Variants in PACRG observed in about 807,000 individuals in gnomAD.
The protein encoded by PACRG is parkin coregulated.
Under a neutral mutation model 29.7 loss-of-function variants are expected in PACRG, and 29 were observed. The ratio of observed to expected loss-of-function variants is 0.98; its 90% CI spans 0.73 to 1.33. PACRG has a LOEUF of 1.33. Ranked by LOEUF, PACRG falls within the 40% of genes most tolerant of loss-of-function variation. The probability of loss-of-function intolerance (pLI) is 0.00; values close to 1 mark genes in which losing one functional copy is unlikely to be tolerated. For synonymous variants in PACRG, 116 were observed against 118.7 expected (o/e 0.98, Z 0.15); for missense variants, 279 against 316.2 (o/e 0.88, Z 0.89).
At chr6:163,107,023 G>C (rs1051734749) in intron 4 of PACRG, among the ~76,000 whole-genome samples, 3 of 152,118 alleles carry the variant, frequency 2.0e-5, no homozygotes, top group Admixed American at 2.0e-4. Flanking sequence ...AAGTCATTCT[G>C]TCTAAATTAG....
At chr6:163,278,041 A>C (rs903150557) in intron 4 of PACRG, among the ~76,000 whole-genome samples, 9 of 152,006 alleles carry the variant, frequency 5.9e-5, no homozygotes, top group Admixed American at 3.9e-4. Context: ...TGCAGGAGTG[A>C]GGTGGTATTG....
At chr6:162,739,952 G>A (rs573009468) in intron 1 of PACRG, among the ~76,000 whole-genome samples, 1 of 148,872 alleles carries the variant, frequency 6.7e-6, no homozygotes, top group Non-Finnish European at 1.5e-5. Flanking sequence ...CACATACATT[G>A]TTAATTATTT....
chr6:163,289,049 C>T (rs1784491421), intron 4 of PACRG, among the ~76,000 whole-genome samples: 1 of 152,144 alleles, frequency 6.6e-6, no homozygotes, highest in Non-Finnish European at 1.5e-5. Flanking sequence ...AGCCAGTTGC[C>T]ATTGAGATGC....
intron 4 of PACRG, among the ~76,000 whole-genome samples, chr6:163,094,015 G>C (rs115039141): frequency 5.3e-5 from 8 of 152,134 alleles, no homozygotes; most frequent in Non-Finnish European, 1.2e-4. Context: ...CTTCTAAGGA[G>C]AACCTAGGCC....
At chr6:162,970,623 T>G (rs1382669496) in intron 2 of PACRG, among the ~76,000 whole-genome samples, 1 of 152,244 alleles carries the variant, frequency 6.6e-6, no homozygotes, top group Admixed American at 6.5e-5. Flanking sequence ...TCATTAGTTG[T>G]CTGCTCAAAA....
chr6:163,315,045 T>C lies in PACRG; in HGVS notation c.*58T>C. On this transcript the variant is annotated 3_prime_UTR_variant, in exon 5 of 5. Transcript: ENST00000366888. ...TTGGTGTTGGGATCATCTGTCTCTG[T>C]TGCTTTTAGCATCTCATTCCTTGTG... 2 of 1,556,268 alleles carry C rather than the reference T, an allele frequency of 1.3e-6. No individual in the cohort carries two copies. Among genetic ancestry groups the C allele is most frequent in the Non-Finnish European group, 1.8e-6 (2 of 1,142,440 alleles).
At chr6:162,955,836 A>G (rs1246172281) in intron 2 of PACRG, among the ~76,000 whole-genome samples, 3 of 152,146 alleles carry the variant, frequency 2.0e-5, no homozygotes, top group Non-Finnish European at 4.4e-5. Context: ...ATCACACCCC[A>G]GGTCCTTTCC....
chr6:163,078,336 A>G (rs1383668577), intron 3 of PACRG, among the ~76,000 whole-genome samples: 3 of 151,786 alleles, frequency 2.0e-5, no homozygotes, highest in Non-Finnish European at 1.5e-5. Context: ...CCCTTTCTCT[A>G]CTAAAAGGAT....
chr6:162,978,802 A>G (rs1312713447), intron 2 of PACRG, among the ~76,000 whole-genome samples: 4 of 152,206 alleles, frequency 2.6e-5, no homozygotes, highest in Non-Finnish European at 5.9e-5. Flanking sequence ...AAATAATAAA[A>G]ATTTAAACCC....
At chr6:163,025,535 T>C (rs1471882076) in intron 2 of PACRG, among the ~76,000 whole-genome samples, 1 of 152,132 alleles carries the variant, frequency 6.6e-6, no homozygotes, top group African/African-American at 2.4e-5. Context: ...ACAAACGAGG[T>C]GGGCCATTCT....
chr6:162,910,821 T>C (rs1349643274), intron 2 of PACRG, among the ~76,000 whole-genome samples: 1 of 152,190 alleles, frequency 6.6e-6, no homozygotes, highest in Non-Finnish European at 1.5e-5. Flanking sequence ...CATAATTTTC[T>C]CTGCAGATTA....
At chr6:162,863,330 G>T (rs150650059) in intron 2 of PACRG, among the ~76,000 whole-genome samples, 2 of 152,196 alleles carry the variant, frequency 1.3e-5, no homozygotes, top group Admixed American at 6.5e-5. Flanking sequence ...TCCCTCCAGC[G>T]CAGTGATTGA....
At chr6:163,057,125 A>G (rs1233046485) in intron 2 of PACRG, among the ~76,000 whole-genome samples, 2 of 152,208 alleles carry the variant, frequency 1.3e-5, no homozygotes, top group Admixed American at 1.3e-4. Flanking sequence ...AAAAGTACCT[A>G]TTCCATTAAA....
At chr6:162,767,528 G>GT (rs56303512) in intron 1 of PACRG, among the ~76,000 whole-genome samples, 7 of 150,408 alleles carry the variant, frequency 4.7e-5, no homozygotes, top group Middle Eastern at 3.5e-3. Context: ...ATCCTTAGGT[G>GT]TTTTTTTTTG....
intron 4 of PACRG, among the ~76,000 whole-genome samples, chr6:163,257,205 G>A (rs561980110): frequency 5.3e-5 from 8 of 151,936 alleles, no homozygotes; most frequent in Non-Finnish European, 1.2e-4. Flanking sequence ...GCAGTGGGGC[G>A]CATCTTTTGG....
intron 3 of PACRG, among the ~76,000 whole-genome samples, chr6:163,086,452 A>G (rs1410310988): frequency 6.6e-6 from 1 of 152,204 alleles, no homozygotes; most frequent in Non-Finnish European, 1.5e-5. Flanking sequence ...GTAATGAGCC[A>G]TCATGCTGCT....
At chr6:162,770,579 A>C (rs1365654564) in intron 1 of PACRG, among the ~76,000 whole-genome samples, 1 of 152,126 alleles carries the variant, frequency 6.6e-6, no homozygotes, top group Admixed American at 6.6e-5. Flanking sequence ...CTGCAGGGGC[A>C]GTTTTCAGAG....
intron 2 of PACRG, chr6:163,054,194 G>A (rs55907645): frequency 0.16 from 23,876 of 152,214 alleles, 2,003 homozygotes; most frequent in East Asian, 0.27. Flanking sequence ...CGTATTTGGA[G>A]ATGGGGCCTG....
chr6:162,838,502 C>T (rs1789445658), intron 2 of PACRG, among the ~76,000 whole-genome samples: 1 of 152,150 alleles, frequency 6.6e-6, no homozygotes, highest in Admixed American at 6.5e-5. Context: ...CTGGGAAATA[C>T]AGTCCAGCTG....
Sources: gnomAD v4.1 joint callset for allele counts (sites outside exome capture counted in the v4.1 genomes callset) on GRCh38, gnomAD v4.1.1 for gene constraint, MANE v1.5 for transcripts, NCBI Gene and HGNC (gene_info 2026-07-23, HGNC 2026-07-21) for gene names.